The following IQGAP2 variants were observed in gnomAD, a reference collection of about 807,000 sequenced individuals.
IQGAP2 encodes IQ motif containing GTPase activating protein 2, also known as ras GTPase-activating-like protein IQGAP2.
A neutral mutation model predicts 201.3 loss-of-function variants in IQGAP2; 173 were observed. That is an observed-to-expected ratio of 0.86 (90% CI 0.76 to 0.98). The LOEUF is 0.98. Among genes scored for constraint, IQGAP2 ranks in the 50% least tolerant of loss-of-function variants. The pLI, the probability that IQGAP2 is intolerant of heterozygous loss-of-function variation, is 0.00. For missense variants in IQGAP2, 1,687 were observed against 1,864.8 expected (o/e 0.90, Z 1.76); for synonymous variants, 675 against 673.9 (o/e 1.00, Z -0.03).
At chr5:76,684,032 A>G (rs1745530964) in intron 30 of IQGAP2, 115 bp downstream of exon 30, 4 of 872,718 alleles carry the variant, frequency 4.6e-6, no homozygotes, top group Non-Finnish European at 6.6e-6. Context: ...ATTGAAATCT[A>G]TTATGTATAT....
chr5:76,469,748 CT>C (rs781390838), intron 2 of IQGAP2, among the ~76,000 whole-genome samples: 35 of 146,158 alleles, frequency 2.4e-4, no homozygotes, highest in African/African-American at 4.0e-4. Context: ...ATTAAACAGG[CT>C]TTTTTTTTTA....
At chr5:76,681,869 T>G (rs1189859373) in intron 28 of IQGAP2, among the ~76,000 whole-genome samples, 2 of 152,184 alleles carry the variant, frequency 1.3e-5, no homozygotes, top group Non-Finnish European at 2.9e-5. Context: ...TGTGTTATAT[T>G]CATACAATAC....
intron 13 of IQGAP2, among the ~76,000 whole-genome samples, chr5:76,620,989 A>G (rs914625531): frequency 1.8e-4 from 28 of 152,206 alleles, no homozygotes; most frequent in African/African-American, 6.8e-4. Flanking sequence ...CATGTATAGA[A>G]AATAGATTCT....
At chr5:76,582,546 A>G (rs1257397237) in intron 5 of IQGAP2, among the ~76,000 whole-genome samples, 1 of 152,188 alleles carries the variant, frequency 6.6e-6, no homozygotes, top group Admixed American at 6.5e-5. Flanking sequence ...TTCATTCCAC[A>G]TGTTATAGTA....
At chr5:76,592,301 G>A (rs1232835992) in intron 8 of IQGAP2, among the ~76,000 whole-genome samples, 1 of 152,276 alleles carries the variant, frequency 6.6e-6, no homozygotes, top group African/African-American at 2.4e-5. Flanking sequence ...GTAGCCTAAT[G>A]TGCTAAGCTT....
intron 10 of IQGAP2, 51 bp from the exon 11 acceptor site, chr5:76,600,761 A>G: frequency 6.3e-7 from 1 of 1,595,438 alleles, no homozygotes; most frequent in Non-Finnish European, 8.6e-7. Flanking sequence ...TCCATCATGC[A>G]CATGAGGTGT....
chr5:76,437,477 C>T (rs1298704494), intron 1 of IQGAP2, among the ~76,000 whole-genome samples: 1 of 152,118 alleles, frequency 6.6e-6, no homozygotes, highest in African/African-American at 2.4e-5. Context: ...AACCCATCAC[C>T]TAGGTATTAA....
At chr5:76,702,697 C>T (rs1580865713) in intron 35 of IQGAP2, 107 bp downstream of exon 35, 1 of 627,074 alleles carries the variant, frequency 1.6e-6, no homozygotes, top group Non-Finnish European at 2.9e-6. Context: ...TAACAGAAAA[C>T]CAGTGCCAGC....
chr5:76,541,048 C>G (rs1346270265), intron 2 of IQGAP2, among the ~76,000 whole-genome samples: 1 of 152,042 alleles, frequency 6.6e-6, no homozygotes, highest in Admixed American at 6.6e-5. Context: ...GTAAAATTTA[C>G]CATTCTAACC....
chr5:76,532,486 T>TG lies in IQGAP2; in HGVS notation c.147-29903dup, dbSNP rs578111872. 7.6e-3 allele frequency among the ~76,000 whole-genome samples: 244 copies of TG among 32,116 alleles called. 2 individuals carry two copies. The highest frequency in any genetic ancestry group is 0.056 in the South Asian group (44 of 780). 21.1% of individuals were successfully genotyped at this position (32,116 alleles called of 152,430 possible). A position where few individuals can be genotyped will look rare whatever the true frequency, so the allele number is the denominator to read the frequency against. ...CATGCTTTCCTGAGGATTGGGTGGG[T>TG]GGGGGGGTAGAAGGTGATAGAAAAC... On this transcript the variant is annotated intron_variant, in intron 2 of 35. Transcript: ENST00000274364.
intron 1 of IQGAP2, among the ~76,000 whole-genome samples, chr5:76,412,197 T>C (rs1751164501): frequency 6.6e-6 from 1 of 152,218 alleles, no homozygotes; most frequent in South Asian, 2.1e-4. Context: ...TGATAAAAGA[T>C]AGGAGGACAT....
chr5:76,488,089 C>G (rs1756282223), intron 2 of IQGAP2, among the ~76,000 whole-genome samples: 1 of 152,174 alleles, frequency 6.6e-6, no homozygotes. Context: ...GGGAATGATA[C>G]CAAGTCATAG....
Position 76,498,970 on chromosome 5 carries a change from G to A in IQGAP2, c.146+37301G>A, listed in dbSNP as rs188845463. On this transcript the variant is annotated intron_variant, in intron 2 of 35. Coordinates refer to ENST00000274364, the MANE Select transcript of IQGAP2 (RefSeq NM_006633.5). ...GCAAGAGGATGAAAAGAAAATAGTA[G>A]AAACAGGAGAGTGGCTTTTGGGCAA... Among the ~76,000 whole-genome samples, 84 of 152,336 alleles carry A rather than the reference G, an allele frequency of 5.5e-4. 2 individuals carry two copies. The South Asian group carries it at 6.8e-3, about 12-fold the overall frequency.
At position 76,566,054 on chromosome 5, in the gene IQGAP2, A is replaced by G. The variant is rs141990324; in HGVS notation, c.303+3502A>G. On this transcript the variant is annotated intron_variant, in intron 3 of 35. Transcript: ENST00000274364. ...CAATACAGTTGTAGGGAAGGAAGAT[A>G]AAGGTATGCCACGATAGAAATACAT... Among the ~76,000 whole-genome samples the G allele has an allele frequency of 8.8e-3, 1,346 of 152,292 alleles. 8 individuals are homozygous for G. Among genetic ancestry groups the G allele is most frequent in the Non-Finnish European group, 0.014 (944 of 68,014 alleles).
At chr5:76,602,651 C>T (rs758354242) in intron 11 of IQGAP2, among the ~76,000 whole-genome samples, 1 of 152,074 alleles carries the variant, frequency 6.6e-6, no homozygotes, top group Non-Finnish European at 1.5e-5. Flanking sequence ...TTTAAGGGCC[C>T]ACTTGGGTTC....
At chr5:76,415,539 G>T (rs1480253060) in intron 1 of IQGAP2, among the ~76,000 whole-genome samples, 1 of 152,232 alleles carries the variant, frequency 6.6e-6, no homozygotes, top group East Asian at 1.9e-4. Flanking sequence ...GAAGGATTCA[G>T]TGGCTATCTA....
At chr5:76,543,659 T>C (rs1413345406) in intron 2 of IQGAP2, among the ~76,000 whole-genome samples, 1 of 152,258 alleles carries the variant, frequency 6.6e-6, no homozygotes, top group Non-Finnish European at 1.5e-5. Context: ...TCTCTTCTTA[T>C]CTGTCTTCTT....
chr5:76,586,960 A>G (rs556124738), intron 5 of IQGAP2, among the ~76,000 whole-genome samples: 1 of 152,354 alleles, frequency 6.6e-6, no homozygotes, highest in Admixed American at 6.5e-5. Flanking sequence ...GCTGTACTGC[A>G]TAGCTTCCCA....
intron 11 of IQGAP2, among the ~76,000 whole-genome samples, chr5:76,604,377 A>G (rs1331045719): frequency 2.0e-5 from 3 of 151,804 alleles, no homozygotes; most frequent in Non-Finnish European, 4.4e-5. Flanking sequence ...TATCCAGTCT[A>G]TCATTGATGG....
Sources: allele counts gnomAD v4.1 joint callset (sites outside exome capture counted in the v4.1 genomes callset), GRCh38; gene constraint gnomAD v4.1.1; transcripts MANE v1.5; gene names NCBI Gene and HGNC (gene_info 2026-07-23, HGNC 2026-07-21).